The following UBR2 variants were observed in gnomAD, a reference collection of about 807,000 sequenced individuals.
UBR2 encodes the protein ubiquitin protein ligase E3 component n-recognin 2.
A neutral mutation model predicts 247.9 loss-of-function variants in UBR2; 92 were observed. The observed-to-expected ratio is 0.37, with a 90% CI of 0.31 to 0.44. The LOEUF (loss-of-function observed/expected upper bound fraction) is 0.44, where lower values mean the gene tolerates loss of function less well. Ranked by LOEUF, UBR2 falls within the 20% of genes least tolerant of loss-of-function variation. The pLI is 1.00. For synonymous variants in UBR2, 672 were observed against 693.5 expected (o/e 0.97, Z 0.49); for missense variants, 1,613 against 2,112.6 (o/e 0.76, Z 4.64).
intron 1 of UBR2, among the ~76,000 whole-genome samples, chr6:42,567,526 A>T (rs896279516): frequency 6.6e-6 from 1 of 152,028 alleles, no homozygotes; most frequent in Non-Finnish European, 1.5e-5. Context: ...GTCAAGAGAT[A>T]GAGACCATCC....
chr6:42,581,044 T>G (rs1286744937), intron 2 of UBR2, among the ~76,000 whole-genome samples: 6 of 142,560 alleles, frequency 4.2e-5, no homozygotes, highest in Non-Finnish European at 7.7e-5. Flanking sequence ...GACAGGGTTT[T>G]GCTCTATTGA....
chr6:42,685,187 T>C (rs1018048654), intron 44 of UBR2, among the ~76,000 whole-genome samples: 4 of 152,112 alleles, frequency 2.6e-5, no homozygotes, highest in Non-Finnish European at 5.9e-5. Context: ...GGCAGGCGCC[T>C]GTAATCGCAG....
Position 42,692,622 on chromosome 6 carries a change from C to A in UBR2, c.*1449C>A, listed in dbSNP as rs1799803708. 1 of 152,074 alleles carries A rather than the reference C, an allele frequency of 6.6e-6. No homozygotes were observed. Among genetic ancestry groups the A allele is most frequent in the Admixed American group, 6.6e-5 (1 of 15,242 alleles). 9.4% of individuals were successfully genotyped at this position (152,074 alleles called of 1,614,324 possible). On this transcript the variant is annotated 3_prime_UTR_variant, in exon 47 of 47. Coordinates refer to ENST00000372901, the MANE Select transcript of UBR2 (RefSeq NM_001363705.2). Reference sequence around the variant, plus strand: ...GATTTTTTTAACCAATGCAACTGACCCTTTCAATCAGTTTTCTTTGAATTA... The same window carrying A: ...GATTTTTTTAACCAATGCAACTGACACTTTCAATCAGTTTTCTTTGAATTA...
intron 2 of UBR2, among the ~76,000 whole-genome samples, chr6:42,576,593 A>C (rs1791532205): frequency 7.0e-6 from 1 of 142,992 alleles, no homozygotes; most frequent in Non-Finnish European, 1.5e-5. Flanking sequence ...GTAGTGGCAT[A>C]ATCTCGGCTC....
intron 42 of UBR2, among the ~76,000 whole-genome samples, chr6:42,681,543 T>C (rs921770326): frequency 3.0e-4 from 45 of 151,956 alleles, no homozygotes; most frequent in African/African-American, 1.0e-3. Flanking sequence ...CACACTGACA[T>C]ACCACTTCAC....
intron 34 of UBR2, among the ~76,000 whole-genome samples, chr6:42,669,722 C>A (rs1286394716): frequency 6.6e-6 from 1 of 152,136 alleles, no homozygotes; most frequent in Non-Finnish European, 1.5e-5. Context: ...TGCTTGGTGA[C>A]CCCCGAATGT....
intron 2 of UBR2, among the ~76,000 whole-genome samples, chr6:42,576,022 C>G (rs1184368513): frequency 6.6e-6 from 1 of 151,798 alleles, no homozygotes; most frequent in Non-Finnish European, 1.5e-5. Context: ...CTTTTCCTTT[C>G]CTTTTCCCTT....
chr6:42,588,680 A>G (rs2151914834), intron 2 of UBR2, among the ~76,000 whole-genome samples: 1 of 152,204 alleles, frequency 6.6e-6, no homozygotes, highest in Non-Finnish European at 1.5e-5. Context: ...AAACAACAAC[A>G]ACAACAAAAA....
chr6:42,673,715 G>T, intron 36 of UBR2, 76 bp from the exon 37 acceptor site: 1 of 1,012,702 alleles, frequency 9.9e-7, no homozygotes, highest in African/African-American at 1.6e-5. Context: ...GCATCCAGCT[G>T]TGCTCTGAAC....
At position 42,693,159 on chromosome 6, in the gene UBR2, G is replaced by A. The variant is rs1200421601; in HGVS notation, c.*1986G>A. On this transcript the variant is annotated 3_prime_UTR_variant, in exon 47 of 47. Coordinates refer to ENST00000372901, the MANE Select transcript of UBR2 (RefSeq NM_001363705.2). ...TTCCGGTCCGACTTCCTAGGAGCCT[G>A]GAGTTAGCAAAGGTTGTCTCTGGAT... 3.3e-5 allele frequency: 5 copies of A among 152,262 alleles called. No individual in the cohort carries two copies. Among genetic ancestry groups the A allele is most frequent in the South Asian group, 2.1e-4 (1 of 4,822 alleles). The allele number at this position is 152,262 out of a possible 1,614,324, so 9.4% of individuals were successfully genotyped here.
chr6:42,570,496 G>A (rs1454744147), intron 1 of UBR2, among the ~76,000 whole-genome samples: 1 of 152,122 alleles, frequency 6.6e-6, no homozygotes, highest in Non-Finnish European at 1.5e-5. Context: ...GCCTCCCAAA[G>A]TGCTGGGATT....
chr6:42,675,086 C>T (rs1798645548), intron 38 of UBR2, among the ~76,000 whole-genome samples: 1 of 152,108 alleles, frequency 6.6e-6, no homozygotes, highest in African/African-American at 2.4e-5. Context: ...TTGGTTAGTA[C>T]CTACTTTATA....
intron 4 of UBR2, among the ~76,000 whole-genome samples, chr6:42,602,906 A>C (rs985852999): frequency 6.6e-6 from 1 of 152,094 alleles, no homozygotes; most frequent in Non-Finnish European, 1.5e-5. Flanking sequence ...AAGATAAAGC[A>C]TTAAGATGAA....
intron 11 of UBR2, among the ~76,000 whole-genome samples, chr6:42,628,605 C>A (rs907128522): frequency 9.2e-5 from 14 of 151,640 alleles, no homozygotes; most frequent in Admixed American, 4.6e-4. Context: ...TGCTGGTAAT[C>A]CTAGCTACTC....
intron 7 of UBR2, among the ~76,000 whole-genome samples, chr6:42,607,647 TGGG>T: frequency 1.9e-5 from 1 of 52,376 alleles, no homozygotes. Context: ...CTTGAGTAGC[TGGG>T]AGGACAGGCA....
At chr6:42,683,566 T>C (rs1799179747) in intron 43 of UBR2, among the ~76,000 whole-genome samples, 1 of 152,212 alleles carries the variant, frequency 6.6e-6, no homozygotes, top group Admixed American at 6.5e-5. Context: ...TCTGATTCTA[T>C]AGTAAAGTGT....
intron 21 of UBR2, among the ~76,000 whole-genome samples, chr6:42,647,697 T>C (rs1009172250): frequency 6.6e-6 from 1 of 152,288 alleles, no homozygotes; most frequent in Admixed American, 6.5e-5. Flanking sequence ...GAATGAGATA[T>C]GATTGGGGAA....
chr6:42,602,815 A>G (rs1298177708), intron 4 of UBR2, among the ~76,000 whole-genome samples: 2 of 151,572 alleles, frequency 1.3e-5, no homozygotes, highest in Non-Finnish European at 2.9e-5. Flanking sequence ...TTCCCATCCC[A>G]TGATGTTGGA....
At chr6:42,619,441 ATATATATATATATT>A (rs1308608932) in intron 11 of UBR2, 503 of 26,654 alleles carry the variant, frequency 0.019, 48 homozygotes, top group East Asian at 0.071. Flanking sequence ...ATATATATAT[ATATATATATATATT>A]TTTTTTTTTT....
Sources: gnomAD v4.1 joint callset for allele counts (sites outside exome capture counted in the v4.1 genomes callset) on GRCh38, gnomAD v4.1.1 for gene constraint, MANE v1.5 for transcripts, NCBI Gene and HGNC (gene_info 2026-07-23, HGNC 2026-07-21) for gene names.